The following CENPF variants were observed in gnomAD, a reference collection of about 807,000 sequenced individuals.
CENPF encodes centromere protein F.
In CENPF, 214 loss-of-function variants were observed where a neutral mutation model predicts 307.3. The observed-to-expected ratio is 0.70, with a 90% confidence interval of 0.62 to 0.78. The LOEUF (loss-of-function observed/expected upper bound fraction) is 0.78, where lower values mean the gene tolerates loss of function less well. Ranked by LOEUF, CENPF falls within the 30% of genes least tolerant of loss-of-function variation. The pLI is 0.00. For missense variants in CENPF, 3,401 were observed against 3,483.9 expected (o/e 0.98, Z 0.60); for synonymous variants, 1,259 against 1,270.6 (o/e 0.99, Z 0.19).
chr1:214,657,206 G>A lies in CENPF; in HGVS notation c.8759G>A (p.Arg2920Lys), dbSNP rs778030462. The change falls in exon 18 of 20, where the codon AGG becomes AAG. Residue 2920 changes from arginine to lysine, a missense_variant. Transcript: ENST00000366955. ...CCAATCCCTTCTGTTACTGAAAAGAGGTTATCATCTGGCCAAAATAAAGCT... is the reference window on the plus strand; with the variant it reads ...CCAATCCCTTCTGTTACTGAAAAGAAGTTATCATCTGGCCAAAATAAAGCT... ...PSPIPSVTEKRLSSGQNKASG... is the reference protein window; with the variant it reads ...PSPIPSVTEKKLSSGQNKASG... 14 of 1,614,130 alleles carry A rather than the reference G, an allele frequency of 8.7e-6. No individual in the cohort carries two copies. In the Admixed American group the frequency reaches 1.3e-4, roughly 15 times the overall value.
At position 214,663,633 on chromosome 1, in the gene CENPF, C is replaced by T. The variant is rs1658841793; in HGVS notation, c.9184C>T (p.Leu3062Phe). Reference sequence around the variant, plus strand: ...GAGCCCAGTAGATTCAGGCACCATCCTCCGAGAACCCACCACGAAATCCGT... The same window carrying T: ...GAGCCCAGTAGATTCAGGCACCATCTTCCGAGAACCCACCACGAAATCCGT... ...QRSPVDSGTI[L>F]REPTTKSVPV... The change falls in exon 20 of 20, where the codon CTC becomes TTC. Residue 3062 changes from leucine to phenylalanine, a missense_variant. By Grantham distance (22) the Leu-to-Phe change is conservative. Transcript: ENST00000366955. 1 of 1,614,016 alleles carries T rather than the reference C, an allele frequency of 6.2e-7. No homozygotes were observed. The highest frequency in any genetic ancestry group is 1.7e-5 in the Admixed American group (1 of 59,986).
At chr1:214,657,515 T>A in intron 18 of CENPF, 106 bp downstream of exon 18, 1 of 805,726 alleles carries the variant, frequency 1.2e-6, no homozygotes, top group Non-Finnish European at 2.0e-6. Context: ...TATTGTGCAA[T>A]AATCTCATTG....
At chr1:214,650,580 T>C (rs536182310) in intron 14 of CENPF, among the ~76,000 whole-genome samples, 1 of 152,170 alleles carries the variant, frequency 6.6e-6, no homozygotes, top group African/African-American at 2.4e-5. Context: ...TCTCATGTTC[T>C]GGAAATCAAG....
At chr1:214,608,247 C>G (rs1558167027) in intron 1 of CENPF, 1 of 1,478,344 alleles carries the variant, frequency 6.8e-7, no homozygotes, top group Non-Finnish European at 9.1e-7. Flanking sequence ...GAAGCCCGCC[C>G]CCCGGCCCCC....
At chr1:214,651,997 A>G in intron 15 of CENPF, 111 bp downstream of exon 15, 3 of 851,378 alleles carry the variant, frequency 3.5e-6, no homozygotes, top group South Asian at 3.0e-5. Flanking sequence ...ACTATGCTAT[A>G]TAATCTTTTA....
At position 214,641,598 on chromosome 1, in the gene CENPF, C is replaced by T. The variant is rs2102559840; in HGVS notation, c.3260C>T (p.Thr1087Ile). Residue 1087 changes from threonine to isoleucine, a missense_variant, in exon 12 of 20, where the codon ACA (threonine) becomes ATA (isoleucine). Physicochemically the swap from Thr to Ile is moderately conservative, Grantham distance 89 (BLOSUM62 -1). Transcript: ENST00000366955. ...GCAAAGGAACACCAAGAATTCTTAA[C>T]AAAATTAGCATTTGCTGAAGAAAGA... ...AFAKEHQEFL[T>I]KLAFAEERNQ... The T allele has an allele frequency of 1.3e-6, 2 of 1,548,522 alleles. No homozygotes were observed. The highest frequency in any genetic ancestry group is 2.5e-5 in the South Asian group (2 of 79,672).
Position 214,645,823 on chromosome 1 carries a change from G to C in CENPF, c.6253G>C (p.Glu2085Gln). 1 of 1,614,204 alleles carries C rather than the reference G, an allele frequency of 6.2e-7. No individual in the cohort carries two copies. The highest frequency in any genetic ancestry group is 8.5e-7 in the Non-Finnish European group (1 of 1,180,030). ...GGCCAGACTGAGTGAATCAGATTAT[G>C]AAAAGCTGAATGTCTCCAAGGCCTT... ...LQARLSESDYEKLNVSKALEA... is the reference protein window; with the variant it reads ...LQARLSESDYQKLNVSKALEA... The change falls in exon 13 of 20, where the codon GAA (glutamate) becomes CAA (glutamine). Residue 2085 changes from glutamate (E) to glutamine (Q), a missense_variant. Coordinates refer to ENST00000366955, the MANE Select transcript of CENPF (RefSeq NM_016343.4).
Position 214,659,048 on chromosome 1 carries a change from C to G in CENPF, c.9141+20C>G. The G allele has an allele frequency of 2.5e-6, 4 of 1,612,658 alleles. No individual in the cohort carries two copies. The highest frequency in any genetic ancestry group is 3.4e-6 in the Non-Finnish European group (4 of 1,179,202). On this transcript the variant is annotated intron_variant, in intron 19 of 19. Transcript: ENST00000366955. This position sits in a 1 kb window ranked among gnomAD's most constrained non-coding sequence, Gnocchi z 4.4. ...CAAAAGGTAAACTACTGTCAACATCCGTCTACTGTTTGAGATCCAGAAAAT... is the reference window on the plus strand; with the variant it reads ...CAAAAGGTAAACTACTGTCAACATCGGTCTACTGTTTGAGATCCAGAAAAT...
intron 8 of CENPF, among the ~76,000 whole-genome samples, 173 bp from the exon 9 acceptor site, chr1:214,630,361 G>A (rs1159021720): frequency 1.3e-5 from 2 of 152,074 alleles, no homozygotes; most frequent in African/African-American, 4.8e-5. Context: ...GATGCCTGAG[G>A]GCAGCATGGA....
intron 3 of CENPF, among the ~76,000 whole-genome samples, chr1:214,617,038 C>CT (rs1553284963): frequency 7.4e-6 from 1 of 134,880 alleles, no homozygotes; most frequent in Non-Finnish European, 1.6e-5. Flanking sequence ...TTCTTTCTTT[C>CT]TTCTTTTTCT....
At chr1:214,638,873 G>T (rs549330948) in intron 11 of CENPF, among the ~76,000 whole-genome samples, 72 of 152,324 alleles carry the variant, frequency 4.7e-4, no homozygotes, top group African/African-American at 1.7e-3. Flanking sequence ...GCAGCAGATA[G>T]AAATGTCAGT....
intron 16 of CENPF, among the ~76,000 whole-genome samples, chr1:214,654,701 C>T (rs796677925): frequency 2.2e-4 from 33 of 151,732 alleles, no homozygotes; most frequent in African/African-American, 7.0e-4. Context: ...TGAACTTGTA[C>T]CACTGAGAAG....
intron 9 of CENPF, among the ~76,000 whole-genome samples, chr1:214,631,321 A>G (rs1041555961): frequency 2.6e-5 from 4 of 152,096 alleles, no homozygotes; most frequent in African/African-American, 9.7e-5. Flanking sequence ...GCCTCTACTG[A>G]TGGATACTTA....
At chr1:214,611,441 C>G (rs1296075793) in intron 1 of CENPF, among the ~76,000 whole-genome samples, 1 of 152,122 alleles carries the variant, frequency 6.6e-6, no homozygotes, top group Non-Finnish European at 1.5e-5. Flanking sequence ...TCTCAGCTCA[C>G]TGCAACCTCT....
At chr1:214,648,617 T>A in intron 13 of CENPF, 58 bp from the exon 14 acceptor site, 1 of 1,569,052 alleles carries the variant, frequency 6.4e-7, no homozygotes, top group South Asian at 1.1e-5. Context: ...ATCAGAGTGG[T>A]CGATCTGATC....
chr1:214,629,308 G>A (rs926598519), intron 8 of CENPF, 137 bp downstream of exon 8: 4 of 803,376 alleles, frequency 5.0e-6, no homozygotes, highest in Non-Finnish European at 7.3e-6. Context: ...TGAGCTAAAG[G>A]TCATCTTATT....
At chr1:214,651,659 G>C (rs779623991) in intron 14 of CENPF, 51 bp from the exon 15 acceptor site, 3 of 1,358,302 alleles carry the variant, frequency 2.2e-6, no homozygotes, top group East Asian at 2.3e-5. Context: ...ATATTTCCAG[G>C]TTCTTAATTA....
At chr1:214,615,754 C>A (rs1657319078) in intron 3 of CENPF, among the ~76,000 whole-genome samples, 1 of 152,082 alleles carries the variant, frequency 6.6e-6, no homozygotes, top group African/African-American at 2.4e-5. Flanking sequence ...GCATGGCCAA[C>A]ATGGTGAAAC....
intron 12 of CENPF, 115 bp downstream of exon 12, chr1:214,643,439 C>A: frequency 1.0e-6 from 1 of 976,630 alleles, no homozygotes; most frequent in Non-Finnish European, 1.4e-6. Context: ...TTTTAGGGTT[C>A]AAGGAAATAA....
Sources: allele counts gnomAD v4.1 joint callset (sites outside exome capture counted in the v4.1 genomes callset), GRCh38; gene constraint gnomAD v4.1.1; non-coding constraint Gnocchi (gnomAD v3.1); transcripts MANE v1.5; gene names NCBI Gene and HGNC (gene_info 2026-07-23, HGNC 2026-07-21).